STAG3: variants seen among roughly 807,000 people sequenced by gnomAD.
STAG3 encodes the protein cohesin subunit SA-3.
Under a neutral mutation model 160.7 loss-of-function variants are expected in STAG3, and 101 were observed. That is an observed-to-expected ratio of 0.63 (90% CI 0.54 to 0.74). The LOEUF is 0.74. Ranked by LOEUF, STAG3 falls within the 30% of genes least tolerant of loss-of-function variation. The pLI, the probability that STAG3 is intolerant of heterozygous loss-of-function variation, is 0.00. For synonymous variants in STAG3, 519 were observed against 585.0 expected (o/e 0.89, Z 1.63); for missense variants, 1,188 against 1,517.4 (o/e 0.78, Z 3.61).
At chr7:100,201,036 G>A in intron 19 of STAG3, 54 bp from the exon 20 acceptor site, 4 of 1,614,122 alleles carry the variant, frequency 2.5e-6, no homozygotes, top group Middle Eastern at 1.6e-4. Context: ...GACGGGGGAT[G>A]TGGACTGATG....
chr7:100,204,684 TTCA>T lies in STAG3; in HGVS notation c.2863_2865del (p.Ile955del), dbSNP rs771518428. The T allele has an allele frequency of 6.2e-7, 1 of 1,614,150 alleles. No homozygotes were observed. The highest frequency in any genetic ancestry group is 1.1e-5 in the South Asian group (1 of 91,082). On this transcript the variant is annotated inframe_deletion, in exon 27 of 34. Coordinates refer to ENST00000615138, the MANE Select transcript of STAG3 (RefSeq NM_001282717.2). Reference sequence around the variant, plus strand: ...CCAGGGCCTGAATGAGCTTCCTGCCTTCATCGAGATGAGGGACCTGGCCCGGAG... The same window carrying T: ...CCAGGGCCTGAATGAGCTTCCTGCCTTCGAGATGAGGGACCTGGCCCGGAG...
chr7:100,195,790 AG>A (rs1296001613), intron 9 of STAG3, among the ~76,000 whole-genome samples: 2 of 152,194 alleles, frequency 1.3e-5, no homozygotes, highest in Non-Finnish European at 2.9e-5. Context: ...TGCGAAGGGC[AG>A]GGGAGTTTTA....
At chr7:100,201,500 C>T in intron 21 of STAG3, 149 bp downstream of exon 21, 1 of 682,750 alleles carries the variant, frequency 1.5e-6, no homozygotes, top group South Asian at 1.8e-5. Flanking sequence ...CTCTTACATT[C>T]CTCTCTTAGA....
chr7:100,202,682 T>C, intron 25 of STAG3, 92 bp downstream of exon 25: 1 of 1,490,684 alleles, frequency 6.7e-7, no homozygotes, highest in Non-Finnish European at 9.0e-7. Flanking sequence ...GTGGGGGATA[T>C]CCAATGGTTT....
At chr7:100,202,094 C>T in intron 23 of STAG3, 53 bp downstream of exon 23, 35 of 1,610,372 alleles carry the variant, frequency 2.2e-5, no homozygotes, top group Non-Finnish European at 3.0e-5. Context: ...GCCCCCATTC[C>T]AAGGAGAAAT....
intron 29 of STAG3, among the ~76,000 whole-genome samples, chr7:100,208,292 A>G (rs1563001539): frequency 6.6e-6 from 1 of 152,186 alleles, no homozygotes; most frequent in Admixed American, 6.5e-5. Context: ...TAACTAATAC[A>G]TAGTTGTTAG....
chr7:100,188,455 A>G lies in STAG3; in HGVS notation c.436A>G (p.Ile146Val). The G allele has an allele frequency of 6.2e-7, 1 of 1,609,470 alleles. No individual in the cohort carries two copies. ...ACCTCATATCCTTCATTCTTTAGGC[A>G]TTGTGACCCCTGAGATGTTCAAGAA... is the stretch of plus-strand genomic sequence containing the variant. ...FFIQSCGCKGIVTPEMFKKMS... is the reference protein window; with the variant it reads ...FFIQSCGCKGVVTPEMFKKMS... Residue 146 changes from isoleucine to valine, a missense_variant and splice_region_variant, in exon 6 of 34, where the codon ATT becomes GTT. Transcript: ENST00000615138.
At chr7:100,209,294 A>G (rs576482602) in intron 29 of STAG3, among the ~76,000 whole-genome samples, 7 of 152,288 alleles carry the variant, frequency 4.6e-5, no homozygotes, top group African/African-American at 1.4e-4. Context: ...CGAATTTTTT[A>G]TAACAGGTGA....
chr7:100,186,013 G>T (rs554334811), intron 4 of STAG3, among the ~76,000 whole-genome samples, 187 bp from the exon 5 acceptor site: 1 of 152,222 alleles, frequency 6.6e-6, no homozygotes, highest in Non-Finnish European at 1.5e-5. Context: ...TACCTCCCAG[G>T]GTTGCTACTT....
At chr7:100,194,736 C>T (rs1040322707) in intron 8 of STAG3, among the ~76,000 whole-genome samples, 3 of 152,040 alleles carry the variant, frequency 2.0e-5, no homozygotes, top group East Asian at 1.9e-4. Flanking sequence ...TGGAGGCTGC[C>T]GTGAGCCATG....
At chr7:100,201,732 T>G in intron 21 of STAG3, 54 bp from the exon 22 acceptor site, 1 of 1,488,896 alleles carries the variant, frequency 6.7e-7, no homozygotes, top group South Asian at 1.1e-5. Context: ...TCTGGCTATC[T>G]GTCTCTCCCT....
In STAG3 at chr7:100,199,264, C is replaced by A. The variant is rs772416588; in HGVS notation, c.1470C>A (p.Leu490=). 6.2e-7 allele frequency: 1 copy of A among 1,612,356 alleles called. No individual in the cohort carries two copies. The change falls in exon 15 of 34, where the codon CTC becomes CTA. Residue 490 remains leucine (L), a splice_region_variant and synonymous_variant. Coordinates refer to ENST00000615138, the MANE Select transcript of STAG3 (RefSeq NM_001282717.2). The stretch of plus-strand genomic sequence containing the variant: ...TCCCCATGCACGTTCTCCCCTAGCT[C>A]CATGACCACGCTGCTTACTTAGTAG... The part of the protein sequence containing the change: ...LLLSFFVESE[L]HDHAAYLVDS...
intron 29 of STAG3, 29 bp from the exon 30 acceptor site, chr7:100,210,982 T>A (rs1309561877): frequency 6.2e-7 from 1 of 1,605,066 alleles, no homozygotes; most frequent in Non-Finnish European, 8.5e-7. Context: ...GGCCCTGGGC[T>A]GTGGTTAATG....
chr7:100,197,422 C>T, intron 10 of STAG3, 143 bp downstream of exon 10: 2 of 1,164,920 alleles, frequency 1.7e-6, no homozygotes, highest in Non-Finnish European at 2.6e-6. Context: ...CTTGAAATTC[C>T]CCTAGCACTG....
chr7:100,213,656 G>A, intron 32 of STAG3, 79 bp from the exon 33 acceptor site: 1 of 1,607,776 alleles, frequency 6.2e-7, no homozygotes, highest in South Asian at 1.1e-5. Context: ...ATGAGGCTGG[G>A]AAAGGAACTG....
At chr7:100,178,157 G>C (rs1335456931) in intron 1 of STAG3, 152 bp downstream of exon 1, 1 of 152,252 alleles carries the variant, frequency 6.6e-6, no homozygotes. Flanking sequence ...CTCCGCCACA[G>C]AGCTGGAGAA....
downstream of STAG3, among the ~76,000 whole-genome samples, chr7:100,217,081 T>G (rs893081380): frequency 6.6e-6 from 1 of 152,232 alleles, no homozygotes; most frequent in African/African-American, 2.4e-5. Flanking sequence ...ACAATACTGA[T>G]CGTATTCCAA....
In STAG3 at chr7:100,200,875, A is replaced by G; in HGVS notation, c.1967A>G (p.Glu656Gly). 6.2e-7 allele frequency: 1 copy of G among 1,614,082 alleles called. No individual in the cohort carries two copies. Among genetic ancestry groups the G allele is most frequent in the Non-Finnish European group, 8.5e-7 (1 of 1,180,018 alleles). Residue 656 changes from glutamate to glycine, a missense_variant, in exon 19 of 34, where the codon GAA becomes GGA. Physicochemically the swap from Glu to Gly is moderately conservative, Grantham distance 98. Around this residue, in one of 4 missense-constraint regions of STAG3, gnomAD observed 647 missense variants for 717.2 expected, o/e 0.90. Coordinates refer to ENST00000615138, the MANE Select transcript of STAG3 (RefSeq NM_001282717.2). ...AHALYLLCNPEFTFFSRADFA... is the reference protein window; with the variant it reads ...AHALYLLCNPGFTFFSRADFA... ...GCCCTCTACCTGCTCTGTAATCCCG[A>G]ATTCACTTTCTTCAGCCGGGCGGAC...
chr7:100,198,651 C>T, intron 13 of STAG3, 69 bp downstream of exon 13: 3 of 1,464,802 alleles, frequency 2.0e-6, no homozygotes, highest in South Asian at 1.1e-5. Flanking sequence ...CTGCTGCTGC[C>T]CTACCTAAGG....
Sources: allele counts gnomAD v4.1 joint callset (sites outside exome capture counted in the v4.1 genomes callset), GRCh38; gene constraint gnomAD v4.1.1; regional missense constraint gnomAD v4.1.1; transcripts MANE v1.5; gene names NCBI Gene and HGNC (gene_info 2026-07-23, HGNC 2026-07-21).